WDPCP: variants seen among roughly 807,000 people sequenced by gnomAD.
WDPCP encodes WD repeat-containing and planar cell polarity effector protein fritz homolog.
WDPCP carries 71 observed loss-of-function variants against 93.1 expected under a neutral mutation model. The observed-to-expected ratio is 0.76, with a 90% CI of 0.63 to 0.93. WDPCP has a LOEUF of 0.93. WDPCP is among the 40% of genes least tolerant of loss of function. The probability of loss-of-function intolerance (pLI) is 0.00; values close to 1 mark genes in which losing one functional copy is unlikely to be tolerated. For synonymous variants in WDPCP, 315 were observed against 315.0 expected, an observed-to-expected ratio of 1.00 and a Z score of 0.00; for missense variants, 844 against 887.4, an observed-to-expected ratio of 0.95 and a Z score of 0.62.
intron 3 of WDPCP, among the ~76,000 whole-genome samples, chr2:63,634,728 G>C (rs1709903631): frequency 6.6e-6 from 1 of 151,912 alleles, no homozygotes; most frequent in Non-Finnish European, 1.5e-5. Context: ...AATCAAAAGG[G>C]AAATTTAAAA....
chr2:63,658,441 T>A (rs1388020159), intron 2 of WDPCP, among the ~76,000 whole-genome samples: 1 of 152,188 alleles, frequency 6.6e-6, no homozygotes, highest in Non-Finnish European at 1.5e-5. Flanking sequence ...CAGACCTATG[T>A]ACCAACTATG....
At chr2:63,456,235 G>A (rs1023549407) in intron 6 of WDPCP, among the ~76,000 whole-genome samples, 6 of 152,084 alleles carry the variant, frequency 3.9e-5, no homozygotes, top group Non-Finnish European at 8.8e-5. Context: ...TGACCAACAC[G>A]GTGAAACCCC....
intron 1 of WDPCP, among the ~76,000 whole-genome samples, chr2:63,527,608 C>T (rs1235373392): frequency 2.6e-5 from 4 of 152,022 alleles, no homozygotes; most frequent in African/African-American, 9.7e-5. Context: ...TTTTCTTAAT[C>T]CAGTCTATCA....
chr2:63,397,048 G>A (rs1232927789), intron 10 of WDPCP, among the ~76,000 whole-genome samples: 2 of 152,186 alleles, frequency 1.3e-5, no homozygotes, highest in East Asian at 3.9e-4. Flanking sequence ...GGATCACTAG[G>A]ATAGCACTCA....
At chr2:63,697,053 A>T (rs1435466047) in intron 2 of WDPCP, among the ~76,000 whole-genome samples, 1 of 152,204 alleles carries the variant, frequency 6.6e-6, no homozygotes, top group East Asian at 1.9e-4. Flanking sequence ...TAAATAAATT[A>T]CGCCACAACC....
intron 1 of WDPCP, among the ~76,000 whole-genome samples, chr2:63,504,777 G>T (rs1224093451): frequency 6.6e-6 from 1 of 151,982 alleles, no homozygotes; most frequent in Non-Finnish European, 1.5e-5. Context: ...CTTGGAGAAA[G>T]TTAACTGAAT....
the WDPCP span, among the ~76,000 whole-genome samples, chr2:63,838,310 GC>G: frequency 1.3e-5 from 2 of 152,192 alleles, no homozygotes; most frequent in Non-Finnish European, 2.9e-5. Flanking sequence ...CCTGTCTAAA[GC>G]AAAGGAAAAA....
At chr2:63,761,024 C>T (rs1670048179) in intron 2 of WDPCP, among the ~76,000 whole-genome samples, 1 of 152,202 alleles carries the variant, frequency 6.6e-6, no homozygotes, top group Admixed American at 6.5e-5. Context: ...GCTCCCTCTT[C>T]TCCCTCAAGG....
chr2:63,607,111 T>A, intron 3 of WDPCP: 1 of 951,546 alleles, frequency 1.1e-6, no homozygotes, highest in Non-Finnish European at 1.5e-6. Flanking sequence ...TTTTAAAGAT[T>A]ACGTGCTTCT....
chr2:63,169,478 A>G (rs1271271234), intron 15 of WDPCP, among the ~76,000 whole-genome samples: 1 of 152,190 alleles, frequency 6.6e-6, no homozygotes, highest in East Asian at 1.9e-4. Context: ...GGTGTCTGAG[A>G]AAAATTAGAA....
chr2:63,364,091 A>G, intron 12 of WDPCP, among the ~76,000 whole-genome samples: 1 of 152,182 alleles, frequency 6.6e-6, no homozygotes, highest in Non-Finnish European at 1.5e-5. Flanking sequence ...CATAATATCT[A>G]TGGTTGTTTA....
intron 12 of WDPCP, among the ~76,000 whole-genome samples, chr2:63,321,436 A>G (rs2104129573): frequency 2.0e-5 from 3 of 150,394 alleles, no homozygotes; most frequent in Middle Eastern, 6.8e-3. Flanking sequence ...ATCCACCCAC[A>G]TGAGAGCTCC....
intron 1 of WDPCP, among the ~76,000 whole-genome samples, chr2:63,533,728 A>T (rs1301747697): frequency 6.6e-6 from 1 of 152,240 alleles, no homozygotes; most frequent in Non-Finnish European, 1.5e-5. Flanking sequence ...AGGGAAATTT[A>T]TAGCACTAAA....
chr2:63,523,402 G>A (rs1703085758), intron 1 of WDPCP, among the ~76,000 whole-genome samples: 1 of 152,166 alleles, frequency 6.6e-6, no homozygotes, highest in African/African-American at 2.4e-5. Flanking sequence ...AGGAGACAAG[G>A]ATGTCATCTG....
chr2:63,238,154 T>C (rs1679564971), intron 14 of WDPCP, among the ~76,000 whole-genome samples: 1 of 152,148 alleles, frequency 6.6e-6, no homozygotes, highest in South Asian at 2.1e-4. Context: ...TTAATAACTA[T>C]TAGCAACTCA....
In WDPCP at chr2:63,670,877, G is replaced by A. The variant is rs1199451525; in HGVS notation, n.309-20039C>T. Reference sequence around the variant, plus strand: ...TCTAAGGCACAAGTATGAAATGAAAGAGAGGAAAAAAAAGTAGGAAAAAAT... The same window carrying A: ...TCTAAGGCACAAGTATGAAATGAAAAAGAGGAAAAAAAAGTAGGAAAAAAT... On this transcript the variant is annotated intron_variant and non_coding_transcript_variant, in intron 2 of 4. Transcript: ENST00000467687. Among the ~76,000 whole-genome samples the A allele has an allele frequency of 3.3e-5, 5 of 151,968 alleles. No homozygotes were observed. The South Asian group carries it at 8.3e-4, about 25-fold the overall frequency.
intron 17 of WDPCP, among the ~76,000 whole-genome samples, chr2:63,134,856 C>G (rs775851811): frequency 1.5e-4 from 23 of 152,182 alleles, no homozygotes; most frequent in Non-Finnish European, 1.5e-5. Flanking sequence ...GGCGCTGTGG[C>G]TCACACCTGT....
At chr2:63,723,066 T>C (rs1575758351) in intron 2 of WDPCP, among the ~76,000 whole-genome samples, 1 of 152,168 alleles carries the variant, frequency 6.6e-6, no homozygotes, top group South Asian at 2.1e-4. Context: ...TGTGCTTTGT[T>C]AAACAGATGC....
intron 2 of WDPCP, among the ~76,000 whole-genome samples, 176 bp from the exon 3 acceptor site, chr2:63,487,670 T>C (rs1392170318): frequency 6.6e-6 from 1 of 152,036 alleles, no homozygotes; most frequent in East Asian, 1.9e-4. Context: ...TCTAGGGATA[T>C]GCAGAAACTG....
Sources: allele counts gnomAD v4.1 joint callset (sites outside exome capture counted in the v4.1 genomes callset), GRCh38; gene constraint gnomAD v4.1.1; transcripts MANE v1.5; gene names NCBI Gene and HGNC (gene_info 2026-07-23, HGNC 2026-07-21).